The following ENOX2 variants were observed in gnomAD, a reference collection of about 807,000 sequenced individuals.
ENOX2 encodes ecto-NOX disulfide-thiol exchanger 2.
ENOX2 carries 36 observed loss-of-function variants against 45.0 expected under a neutral mutation model. That is an observed-to-expected ratio of 0.80 (90% CI 0.61 to 1.06). The LOEUF (loss-of-function observed/expected upper bound fraction) is 1.06, where lower values mean the gene tolerates loss of function less well. Ranked by LOEUF, ENOX2 falls within the 50% of genes least tolerant of loss-of-function variation. ENOX2 has a pLI of 0.00. For missense variants in ENOX2, 423 were observed against 462.5 expected, an observed-to-expected ratio of 0.91 and a Z score of 0.78; for synonymous variants, 174 against 152.3, an observed-to-expected ratio of 1.14 and a Z score of -1.05.
intron 2 of ENOX2, among the ~76,000 whole-genome samples, chrX:130,898,518 G>A (rs1056214133): frequency 9.1e-6 from 1 of 109,948 alleles, no homozygotes; most frequent in African/African-American, 3.3e-5. Flanking sequence ...GTGTGTGTGT[G>A]TATTATGTAT....
chrX:130,790,292 C>T lies in ENOX2; in HGVS notation c.-182-6602G>A, dbSNP rs5977373. On this transcript the variant is annotated intron_variant, in intron 2 of 14. Coordinates refer to ENST00000394363, the MANE Select transcript of ENOX2 (RefSeq NM_006375.4). ...AAGTCACCATTTTCAAGGTGGGATA[C>T]AGGTCATAGACCAATTTTCATTGGC... 6.7e-3 allele frequency among the ~76,000 whole-genome samples: 749 copies of T among 111,938 alleles called. 9 individuals carry two copies. The highest frequency in any genetic ancestry group is 0.023 in the African/African-American group (706 of 30,832).
chrX:130,729,028 A>T (rs1258545033), intron 3 of ENOX2, among the ~76,000 whole-genome samples: 1 of 111,483 alleles, frequency 9.0e-6, no homozygotes, highest in Non-Finnish European at 1.9e-5. Context: ...GAGTTTAAAC[A>T]GTGCTTAAAG....
rs755689837 is a variant in ENOX2 at position 130,668,076 on chromosome X, TGA to T, written c.695-336_695-335del. Among the ~76,000 whole-genome samples, 313 of 101,701 alleles carry T rather than the reference TGA, an allele frequency of 3.1e-3. 4 individuals are homozygous for T. The highest frequency in any genetic ancestry group is 8.7e-3 in the African/African-American group (244 of 28,007). 88.3% of individuals were successfully genotyped at this position (101,701 alleles called of 115,157 possible). On this transcript the variant is annotated intron_variant, in intron 7 of 14. Transcript: ENST00000394363. ...CTCTGATTGTGTGTGTGTGTGTGTGTGAGAGAGAGAGAGAGAGAGAGAGAAGG... is the reference window on the plus strand; with the variant it reads ...CTCTGATTGTGTGTGTGTGTGTGTGTGAGAGAGAGAGAGAGAGAGAGAAGG...
chrX:130,736,306 C>T (rs1485929254), intron 3 of ENOX2, among the ~76,000 whole-genome samples: 2 of 109,652 alleles, frequency 1.8e-5, no homozygotes, highest in African/African-American at 6.7e-5. Flanking sequence ...TTGCAGGGAG[C>T]CAAGATTGTG....
chrX:130,788,052 ACAAAC>A (rs2076994123), intron 2 of ENOX2, among the ~76,000 whole-genome samples: 1 of 112,099 alleles, frequency 8.9e-6, no homozygotes, highest in Non-Finnish European at 1.9e-5. Context: ...ACAGGACCAA[ACAAAC>A]CAATAAATCA....
At chrX:130,774,859 G>A (rs2039815960) in intron 3 of ENOX2, among the ~76,000 whole-genome samples, 1 of 111,894 alleles carries the variant, frequency 8.9e-6, no homozygotes, top group African/African-American at 3.3e-5. Context: ...CCACACAATG[G>A]ACTGTCATTG....
At chrX:130,886,944 A>C (rs1322018736) in intron 2 of ENOX2, among the ~76,000 whole-genome samples, 1 of 112,400 alleles carries the variant, frequency 8.9e-6, no homozygotes, top group East Asian at 2.8e-4. Flanking sequence ...AGTTGCAGAC[A>C]TAAGACTTGA....
chrX:130,774,195 ACAGTGGC>A (rs1243005423), intron 3 of ENOX2, among the ~76,000 whole-genome samples: 1 of 112,172 alleles, frequency 8.9e-6, no homozygotes, highest in Non-Finnish European at 1.9e-5. Context: ...ATTCTGAATC[ACAGTGGC>A]CTAGGTACAT....
chrX:130,794,558 C>A (rs1339832575), intron 2 of ENOX2, among the ~76,000 whole-genome samples: 1 of 112,519 alleles, frequency 8.9e-6, no homozygotes, highest in Non-Finnish European at 1.9e-5. Flanking sequence ...TATTAAGATG[C>A]CAGTAAATAA....
rs892137531 is a variant in ENOX2, at chrX:130,791,642, TTG to T, written c.-182-7954_-182-7953del. Among the ~76,000 whole-genome samples, 3 of 111,540 alleles carry T rather than the reference TTG, an allele frequency of 2.7e-5. No homozygotes were observed. In the Admixed American group the frequency reaches 2.9e-4, roughly 11 times the overall value. ...ATCATAAGTCAAGGTGTATCTGTAG[TTG>T]TGTTTCCCATCCCAGGCACCAGCTG... On this transcript the variant is annotated intron_variant, in intron 2 of 14. Transcript: ENST00000394363.
intron 3 of ENOX2, chrX:130,709,364 G>A (rs1023257801): frequency 1.1e-4 from 101 of 958,451 alleles, no homozygotes; most frequent in African/African-American, 1.5e-4. Flanking sequence ...TCAGCTGGGC[G>A]TGGTAGCTCA....
rs1360164164 is a variant in ENOX2, at chrX:130,773,367, T to C, written c.-39+10180A>G. ...TGCCTCCCTCTTTCAAATCTGCTTA[T>C]ACTATTTATTAGTTGTCGCCTGGAA... On this transcript the variant is annotated intron_variant, in intron 3 of 14. Coordinates refer to ENST00000394363, the MANE Select transcript of ENOX2 (RefSeq NM_006375.4). Among the ~76,000 whole-genome samples, 30 of 111,981 alleles carry C rather than the reference T, an allele frequency of 2.7e-4. 1 individual carries two copies. The Admixed American group carries it at 2.9e-3, about 11-fold the overall frequency.
At chrX:130,709,370 G>A (rs2038122102) in intron 3 of ENOX2, 2 of 918,922 alleles carry the variant, frequency 2.2e-6, no homozygotes, top group South Asian at 4.0e-5. Context: ...GGGCGTGGTA[G>A]CTCATGCTTG....
At chrX:130,728,478 T>C (rs1198926873) in intron 3 of ENOX2, among the ~76,000 whole-genome samples, 1 of 111,673 alleles carries the variant, frequency 9.0e-6, no homozygotes, top group African/African-American at 3.3e-5. Context: ...CTGCAAGATA[T>C]GGATCTCAGC....
In ENOX2 at chrX:130,824,222, CATG is replaced by C. The variant is rs770185515; in HGVS notation, c.-182-40535_-182-40533del. Among the ~76,000 whole-genome samples, 111 of 111,602 alleles carry C rather than the reference CATG, an allele frequency of 9.9e-4. 1 individual carries two copies. The highest frequency in any genetic ancestry group is 4.3e-3 in the Middle Eastern group (1 of 235). On this transcript the variant is annotated intron_variant, in intron 2 of 14. Transcript: ENST00000394363. ...TTATTGCAGAAAAAAACACAAATAA[CATG>C]ATATCTACCCTCTTAACAAAATTTT...
intron 5 of ENOX2, among the ~76,000 whole-genome samples, chrX:130,685,665 C>T (rs1309805298): frequency 9.0e-6 from 1 of 111,597 alleles, no homozygotes; most frequent in African/African-American, 3.3e-5. Context: ...AGTGAAAATG[C>T]CTTAGAGTGA....
intron 11 of ENOX2, among the ~76,000 whole-genome samples, chrX:130,636,485 T>C (rs1193753158): frequency 8.9e-6 from 1 of 112,152 alleles, no homozygotes; most frequent in Non-Finnish European, 1.9e-5. Flanking sequence ...CAGAAGACAA[T>C]AGTGGCCTTA....
chrX:130,836,892 T>A (rs1451667105), intron 2 of ENOX2, among the ~76,000 whole-genome samples: 1 of 112,101 alleles, frequency 8.9e-6, no homozygotes, highest in Non-Finnish European at 1.9e-5. Flanking sequence ...CATGGCATAG[T>A]ACTTTGTGTT....
chrX:130,664,133 T>C (rs1460281545), intron 9 of ENOX2, among the ~76,000 whole-genome samples: 1 of 112,406 alleles, frequency 8.9e-6, no homozygotes, highest in Non-Finnish European at 1.9e-5. Context: ...CAGGGATTTC[T>C]TTCTAGTGAC....
Sources: gnomAD v4.1 joint callset for allele counts (sites outside exome capture counted in the v4.1 genomes callset) on GRCh38, gnomAD v4.1.1 for gene constraint, MANE v1.5 for transcripts, NCBI Gene and HGNC (gene_info 2026-07-23, HGNC 2026-07-21) for gene names.